PRKCB: variants seen among roughly 807,000 people sequenced by gnomAD.
PRKCB encodes the protein protein kinase C beta type.
A neutral mutation model predicts 81.5 loss-of-function variants in PRKCB; 13 were observed. The ratio of observed to expected loss-of-function variants is 0.16; its 90% CI spans 0.10 to 0.25. The LOEUF (loss-of-function observed/expected upper bound fraction) is 0.25, where lower values mean the gene tolerates loss of function less well. PRKCB is among the 10% of genes least tolerant of loss of function. The probability of loss-of-function intolerance (pLI) is 1.00; values close to 1 mark genes in which losing one functional copy is unlikely to be tolerated. For missense variants in PRKCB, 509 were observed against 875.7 expected (o/e 0.58, Z 5.29); for synonymous variants, 335 against 321.4 (o/e 1.04, Z -0.45).
chr16:23,850,042 T>A (rs186533769), intron 2 of PRKCB, among the ~76,000 whole-genome samples: 2 of 152,328 alleles, frequency 1.3e-5, no homozygotes. Flanking sequence ...TTTATTAGAT[T>A]CCACATATAC....
rs919243177 is a variant in PRKCB at position 24,148,274 on chromosome 16, C to A, written c.1066-6410C>A. Among the ~76,000 whole-genome samples the A allele has an allele frequency of 3.9e-5, 6 of 152,270 alleles. No individual in the cohort carries two copies. The South Asian group carries it at 1.0e-3, about 26-fold the overall frequency. The stretch of plus-strand genomic sequence containing the variant: ...CTTCCCGAAGAGCATCTTTTGCTGA[C>A]CCACTCAGCGATGTTAAGTCTTCCA... On this transcript the variant is annotated intron_variant, in intron 9 of 16. Coordinates refer to ENST00000643927, the MANE Select transcript of PRKCB (RefSeq NM_002738.7).
intron 5 of PRKCB, among the ~76,000 whole-genome samples, chr16:24,060,726 G>A (rs1044091557): frequency 6.6e-6 from 1 of 152,180 alleles, no homozygotes; most frequent in Admixed American, 6.5e-5. Context: ...CTCTTCCCCA[G>A]CCTCAGTAGG....
Position 24,188,378 on chromosome 16 carries a change from C to T in PRKCB, c.1723-2712C>T, listed in dbSNP as rs180843015. 5.9e-5 allele frequency among the ~76,000 whole-genome samples: 9 copies of T among 152,250 alleles called. 1 individual carries two copies. In the East Asian group the frequency reaches 1.7e-3, roughly 29 times the overall value. ...TCAGAGATTGGAACAGTGATTAAAT[C>T]CAGCTGTCTACATGGCTTCGGGCAC... is the stretch of plus-strand genomic sequence containing the variant. On this transcript the variant is annotated intron_variant, in intron 15 of 16. Transcript: ENST00000643927.
intron 7 of PRKCB, chr16:24,098,553 G>A (rs915356029): frequency 6.6e-6 from 1 of 152,044 alleles, no homozygotes; most frequent in Admixed American, 6.6e-5. Context: ...AGTTTGAGAC[G>A]AGCCTGGCCA....
chr16:24,123,180 C>T (rs1353246725), intron 8 of PRKCB, among the ~76,000 whole-genome samples: 1 of 152,136 alleles, frequency 6.6e-6, no homozygotes, highest in Non-Finnish European at 1.5e-5. Flanking sequence ...GAGGGCTTCC[C>T]TGAGCCATGA....
At chr16:23,837,688 G>A (rs1019434718) in intron 2 of PRKCB, among the ~76,000 whole-genome samples, 43 of 152,222 alleles carry the variant, frequency 2.8e-4, no homozygotes, top group Middle Eastern at 3.4e-3. Flanking sequence ...TCCTGGCATG[G>A]TCAGTTCCGC....
intron 2 of PRKCB, among the ~76,000 whole-genome samples, chr16:23,978,971 C>G (rs1023677908): frequency 6.6e-6 from 1 of 152,170 alleles, no homozygotes; most frequent in Admixed American, 6.5e-5. Flanking sequence ...TGTGTTGGAG[C>G]AGGGAAATAA....
At chr16:23,845,431 T>A (rs1485863144) in intron 2 of PRKCB, among the ~76,000 whole-genome samples, 1 of 151,970 alleles carries the variant, frequency 6.6e-6, no homozygotes, top group Non-Finnish European at 1.5e-5. Flanking sequence ...AAGTCTGAGT[T>A]GTCAAGGAAC....
intron 9 of PRKCB, among the ~76,000 whole-genome samples, chr16:24,128,052 A>AAAAC (rs1034550666): frequency 8.3e-6 from 1 of 120,408 alleles, no homozygotes; most frequent in South Asian, 2.5e-4. Context: ...TTAACCCAGG[A>AAAAC]AAACAAAACA....
At chr16:23,840,386 G>A (rs1169673561) in intron 2 of PRKCB, among the ~76,000 whole-genome samples, 23 of 152,134 alleles carry the variant, frequency 1.5e-4, no homozygotes, top group South Asian at 2.1e-4. Flanking sequence ...GATGCTAGAC[G>A]CTGGAGTCCT....
intron 2 of PRKCB, among the ~76,000 whole-genome samples, chr16:23,859,824 A>G (rs1962632450): frequency 6.6e-6 from 1 of 151,790 alleles, no homozygotes; most frequent in Non-Finnish European, 1.5e-5. Context: ...CAGGTTCCCA[A>G]AGGGAGCATG....
intron 11 of PRKCB, among the ~76,000 whole-genome samples, chr16:24,172,744 A>T (rs770101154): frequency 5.3e-5 from 8 of 152,144 alleles, no homozygotes; most frequent in Admixed American, 2.0e-4. Flanking sequence ...TAAAAATAAA[A>T]CAAAACTCAA....
At chr16:24,108,055 C>T (rs755539198) in intron 7 of PRKCB, among the ~76,000 whole-genome samples, 1 of 152,166 alleles carries the variant, frequency 6.6e-6, no homozygotes, top group Admixed American at 6.5e-5. Context: ...TCGCTGATCT[C>T]CCATTAAAAA....
chr16:23,982,365 C>G (rs1301602335), intron 2 of PRKCB, among the ~76,000 whole-genome samples: 1 of 146,026 alleles, frequency 6.8e-6, no homozygotes, highest in African/African-American at 2.5e-5. Flanking sequence ...CCTTCCCCTT[C>G]CCTTTCCCTT....
chr16:24,159,077 A>G (rs1967214306), intron 10 of PRKCB, among the ~76,000 whole-genome samples: 1 of 152,144 alleles, frequency 6.6e-6, no homozygotes, highest in Non-Finnish European at 1.5e-5. Context: ...TAATCTAGCC[A>G]TGGTCACCTC....
chr16:23,943,990 T>C (rs1022254636), intron 2 of PRKCB, among the ~76,000 whole-genome samples: 3 of 152,234 alleles, frequency 2.0e-5, no homozygotes, highest in Non-Finnish European at 4.4e-5. Context: ...TTATGGACTT[T>C]TAAGCTCATG....
At chr16:24,012,641 A>G (rs922429364) in intron 3 of PRKCB, among the ~76,000 whole-genome samples, 1 of 152,270 alleles carries the variant, frequency 6.6e-6, no homozygotes, top group African/African-American at 2.4e-5. Flanking sequence ...AGTGGCTGCG[A>G]AGCAGGGTGG....
chr16:24,061,697 G>C (rs2064519662), intron 5 of PRKCB, among the ~76,000 whole-genome samples: 1 of 151,972 alleles, frequency 6.6e-6, no homozygotes, highest in Non-Finnish European at 1.5e-5. Context: ...AGAGTAAAAT[G>C]TATCACTTGC....
At chr16:23,837,094 G>T in intron 1 of PRKCB, 1 of 519,218 alleles carries the variant, frequency 1.9e-6, no homozygotes, top group Admixed American at 3.4e-5. Flanking sequence ...GGGTACATCT[G>T]TCGCCTGCCT....
Sources: gnomAD v4.1 joint callset for allele counts (sites outside exome capture counted in the v4.1 genomes callset) on GRCh38, gnomAD v4.1.1 for gene constraint, MANE v1.5 for transcripts, NCBI Gene and HGNC (gene_info 2026-07-23, HGNC 2026-07-21) for gene names.